Variants in NTNG1 observed in about 807,000 individuals in gnomAD.
The protein encoded by NTNG1 is netrin-G1.
A neutral mutation model predicts 54.0 loss-of-function variants in NTNG1; 16 were observed. The ratio of observed to expected loss-of-function variants is 0.30; its 90% CI spans 0.20 to 0.45. The LOEUF (loss-of-function observed/expected upper bound fraction) is 0.45. NTNG1 is among the 20% of genes least tolerant of loss of function. The pLI, the probability that NTNG1 is intolerant of heterozygous loss-of-function variation, is 1.00. For missense variants in NTNG1, 530 were observed against 678.7 expected, an observed-to-expected ratio of 0.78 and a Z score of 2.43; for synonymous variants, 255 against 263.1, an observed-to-expected ratio of 0.97 and a Z score of 0.30.
chr1:107,460,187 C>T (rs968666026), intron 7 of NTNG1, among the ~76,000 whole-genome samples: 38 of 152,166 alleles, frequency 2.5e-4, no homozygotes, highest in Admixed American at 1.3e-4. Flanking sequence ...TCTGGGTTCT[C>T]GTCGTGAGCT....
At position 107,430,839 on chromosome 1, in the gene NTNG1, G is replaced by A; in HGVS notation, c.1177G>A (p.Gly393Arg). ...CGTGAGCTGTAAACACAACACTAGA[G>A]GGCAGCACTGTGAGTTATGCAGGCT... ...ICVSCKHNTRGQHCELCRLGY... is the reference protein window; with the variant it reads ...ICVSCKHNTRRQHCELCRLGY... Residue 393 changes from glycine (G) to arginine (R), a missense_variant, in exon 6 of 8, where the codon GGG becomes AGG. By Grantham distance (125) the Gly-to-Arg change is moderately radical. This residue lies in a region of NTNG1 where 212 missense variants were observed against 213.6 expected (regional missense o/e 0.99). Coordinates refer to ENST00000370068, the MANE Select transcript of NTNG1 (RefSeq NM_001113226.3). The A allele has an allele frequency of 6.2e-7, 1 of 1,613,260 alleles. No individual in the cohort carries two copies.
Position 107,324,340 on chromosome 1 carries a change from C to G in NTNG1, c.305C>G (p.Pro102Arg). 6.2e-7 allele frequency: 1 copy of G among 1,613,660 alleles called. No homozygotes were observed. Among genetic ancestry groups the G allele is most frequent in the Non-Finnish European group, 8.5e-7 (1 of 1,179,766 alleles). The part of the protein sequence containing the change: ...CDASTPELAH[P>R]PELMFDFEGR... ...GCGAGTACCCCTGAGCTGGCACACC[C>G]CCCTGAGCTGATGTTTGATTTTGAA... The change falls in exon 3 of 8, where the codon CCC (proline) becomes CGC (arginine). Residue 102 changes from proline (P) to arginine (R), a missense_variant. By Grantham distance (103) the Pro-to-Arg change is moderately radical. Coordinates refer to ENST00000370068, the MANE Select transcript of NTNG1 (RefSeq NM_001113226.3).
intron 2 of NTNG1, among the ~76,000 whole-genome samples, chr1:107,224,489 G>C (rs893998662): frequency 6.6e-6 from 1 of 152,036 alleles, no homozygotes; most frequent in Non-Finnish European, 1.5e-5. Flanking sequence ...AGTTTTCCTG[G>C]ATATTCAGAC....
chr1:107,420,990 G>T, intron 5 of NTNG1: 1 of 809,122 alleles, frequency 1.2e-6, no homozygotes, highest in Admixed American at 2.1e-5. Flanking sequence ...CTTAATTTAG[G>T]GCTACTTTTC....
chr1:107,264,240 A>C (rs945217611), intron 2 of NTNG1, among the ~76,000 whole-genome samples: 1 of 152,022 alleles, frequency 6.6e-6, no homozygotes, highest in Non-Finnish European at 1.5e-5. Flanking sequence ...CCTGGTGCAC[A>C]TTTTTGTAGC....
At chr1:107,457,615 A>G (rs1208337715) in intron 7 of NTNG1, among the ~76,000 whole-genome samples, 4 of 152,136 alleles carry the variant, frequency 2.6e-5, no homozygotes, top group Non-Finnish European at 5.9e-5. Context: ...ATGATCTAGA[A>G]AATCTTATGC....
At chr1:107,301,492 A>G (rs995304365) in intron 2 of NTNG1, among the ~76,000 whole-genome samples, 2 of 152,202 alleles carry the variant, frequency 1.3e-5, no homozygotes, top group African/African-American at 4.8e-5. Context: ...CATCAGTAGA[A>G]TGTAGGGAAC....
intron 2 of NTNG1, among the ~76,000 whole-genome samples, chr1:107,159,113 G>C (rs1311960784): frequency 6.6e-6 from 1 of 152,188 alleles, no homozygotes; most frequent in Non-Finnish European, 1.5e-5. Context: ...TGTGTGGTCT[G>C]CATAACTTAC....
chr1:107,282,043 C>A (rs1325695026), intron 2 of NTNG1, among the ~76,000 whole-genome samples: 1 of 152,040 alleles, frequency 6.6e-6, no homozygotes, highest in Non-Finnish European at 1.5e-5. Flanking sequence ...GACACGTGGA[C>A]TTTTTGGAAT....
chr1:107,397,714 AAAGT>A (rs1180785545), intron 4 of NTNG1, among the ~76,000 whole-genome samples: 1 of 152,116 alleles, frequency 6.6e-6, no homozygotes, highest in Non-Finnish European at 1.5e-5. Flanking sequence ...AACTGGTATA[AAAGT>A]TACTTCTTAT....
intron 2 of NTNG1, among the ~76,000 whole-genome samples, chr1:107,180,936 G>T (rs575303891): frequency 1.4e-4 from 21 of 152,278 alleles, no homozygotes; most frequent in African/African-American, 4.8e-4. Flanking sequence ...TCATCAAAAA[G>T]ATTTAACCTT....
chr1:107,346,814 A>G (rs1272805296), intron 3 of NTNG1, among the ~76,000 whole-genome samples: 2 of 150,752 alleles, frequency 1.3e-5, no homozygotes, highest in Admixed American at 6.6e-5. Flanking sequence ...GAATGTGAAC[A>G]TAGTAGGAAT....
At chr1:107,333,819 C>CTTTT (rs77874115) in intron 3 of NTNG1, 1 of 138,600 alleles carries the variant, frequency 7.2e-6, no homozygotes, top group African/African-American at 2.7e-5. Context: ...AAGAGTATCT[C>CTTTT]TTTTTTTTTT....
chr1:107,211,344 C>A (rs1659586253), intron 2 of NTNG1, among the ~76,000 whole-genome samples: 1 of 152,210 alleles, frequency 6.6e-6, no homozygotes, highest in South Asian at 2.1e-4. Context: ...CTCTTATCTT[C>A]ATACATATGT....
intron 7 of NTNG1, among the ~76,000 whole-genome samples, chr1:107,459,640 CTT>C (rs1677159574): frequency 6.6e-6 from 1 of 152,168 alleles, no homozygotes; most frequent in Admixed American, 6.5e-5. Flanking sequence ...TGGGGGAGGA[CTT>C]AGCAGCATCA....
chr1:107,389,128 A>G (rs1373209187), intron 3 of NTNG1, among the ~76,000 whole-genome samples: 2 of 152,276 alleles, frequency 1.3e-5, no homozygotes, highest in Non-Finnish European at 2.9e-5. Context: ...ATACCAAAGC[A>G]TATTACCATG....
At chr1:107,167,366 A>G (rs1310007424) in intron 2 of NTNG1, among the ~76,000 whole-genome samples, 1 of 151,934 alleles carries the variant, frequency 6.6e-6, no homozygotes, top group African/African-American at 2.4e-5. Flanking sequence ...GGGATAATAT[A>G]TATTCTATAT....
At chr1:107,327,442 T>C (rs866213561) in intron 3 of NTNG1, among the ~76,000 whole-genome samples, 6 of 152,282 alleles carry the variant, frequency 3.9e-5, no homozygotes, top group South Asian at 2.1e-4. Context: ...AAAGTTTCAG[T>C]AAGATTAATG....
intron 7 of NTNG1, among the ~76,000 whole-genome samples, chr1:107,446,314 T>C (rs1224437969): frequency 2.0e-5 from 3 of 152,048 alleles, no homozygotes; most frequent in Non-Finnish European, 4.4e-5. Flanking sequence ...GCTGAGCCAA[T>C]TTAGCATCAA....
Sources: gnomAD v4.1 joint callset for allele counts (sites outside exome capture counted in the v4.1 genomes callset) on GRCh38, gnomAD v4.1.1 for gene constraint, gnomAD v4.1.1 regional missense constraint, MANE v1.5 for transcripts, NCBI Gene and HGNC (gene_info 2026-07-23, HGNC 2026-07-21) for gene names.